The following ANKRD6 variants were observed in gnomAD, a reference collection of about 807,000 sequenced individuals.
ANKRD6 encodes ankyrin repeat domain 6.
Under a neutral mutation model 82.3 loss-of-function variants are expected in ANKRD6, and 56 were observed. The ratio of observed to expected loss-of-function variants is 0.68; its 90% CI spans 0.55 to 0.85. The LOEUF is 0.85. Among genes scored for constraint, ANKRD6 ranks in the 40% least tolerant of loss-of-function variants. The pLI, the probability that ANKRD6 is intolerant of heterozygous loss-of-function variation, is 0.00. For synonymous variants in ANKRD6, 347 were observed against 352.1 expected (o/e 0.99, Z 0.16); for missense variants, 852 against 907.6 (o/e 0.94, Z 0.79).
At chr6:89,605,030 A>T (rs1980878) in intron 4 of ANKRD6, among the ~76,000 whole-genome samples, 1 of 150,114 alleles carries the variant, frequency 6.7e-6, no homozygotes, top group Admixed American at 6.7e-5. Flanking sequence ...AATGATATTT[A>T]TTTGTTTAAA....
At chr6:89,629,833 C>T (rs752557877) in intron 15 of ANKRD6, among the ~76,000 whole-genome samples, 2 of 152,190 alleles carry the variant, frequency 1.3e-5, no homozygotes, top group Non-Finnish European at 2.9e-5. Context: ...CTTTGTGTTA[C>T]CACAGGCCAT....
In ANKRD6 at chr6:89,606,033, A is replaced by C; in HGVS notation, c.345A>C (p.Ala115=). The C allele has an allele frequency of 6.3e-7, 1 of 1,597,568 alleles. No homozygotes were observed. Among genetic ancestry groups the C allele is most frequent in the Non-Finnish European group, 8.5e-7 (1 of 1,171,568 alleles). Residue 115 remains alanine, a synonymous_variant, in exon 5 of 16, where the codon GCA becomes GCC. Transcript: ENST00000339746. ...DKDGNTALHE[A]SWHGFSQSAK... The stretch of plus-strand genomic sequence containing the variant: ...ATGGGAATACAGCCTTGCATGAAGC[A>C]TCCTGGCATGGTTTCAGCCAGTCAG...
At chr6:89,620,746 C>T (rs1162886971) in intron 9 of ANKRD6, among the ~76,000 whole-genome samples, 1 of 152,120 alleles carries the variant, frequency 6.6e-6, no homozygotes, top group African/African-American at 2.4e-5. Flanking sequence ...AACGACTCCC[C>T]GTTTTTCTTT....
At chr6:89,545,212 C>CAAAA (rs754348482) in intron 1 of ANKRD6, among the ~76,000 whole-genome samples, 5 of 86,344 alleles carry the variant, frequency 5.8e-5, no homozygotes, top group East Asian at 3.2e-4. Flanking sequence ...GACTCCATCT[C>CAAAA]AAAAAAAAAA....
intron 1 of ANKRD6, among the ~76,000 whole-genome samples, chr6:89,489,477 G>A (rs945721192): frequency 6.6e-6 from 1 of 152,166 alleles, no homozygotes; most frequent in Non-Finnish European, 1.5e-5. Flanking sequence ...AAGAAGTCCA[G>A]AAAATATTTT....
At chr6:89,552,952 G>A (rs1562795035) in intron 1 of ANKRD6, among the ~76,000 whole-genome samples, 2 of 152,212 alleles carry the variant, frequency 1.3e-5, no homozygotes. Flanking sequence ...TTTGTGGATA[G>A]TGGTGTGGAC....
intron 11 of ANKRD6, 137 bp from the exon 12 acceptor site, chr6:89,623,735 G>C (rs947667538): frequency 2.3e-5 from 28 of 1,243,708 alleles, no homozygotes; most frequent in Non-Finnish European, 3.0e-5. Flanking sequence ...TTTGACATGT[G>C]TGGCTTGGAG....
chr6:89,587,596 A>C (rs1337772671), intron 2 of ANKRD6, among the ~76,000 whole-genome samples: 1 of 152,212 alleles, frequency 6.6e-6, no homozygotes, highest in African/African-American at 2.4e-5. Flanking sequence ...ATTTATGATT[A>C]TTATTATTTT....
chr6:89,454,846 GGTTT>G (rs1198709617), intron 1 of ANKRD6, among the ~76,000 whole-genome samples: 1 of 151,912 alleles, frequency 6.6e-6, no homozygotes, highest in African/African-American at 2.4e-5. Context: ...TGTCTTCTGA[GGTTT>G]GTTTGTTTGA....
At chr6:89,584,857 C>T (rs1413016413) in intron 2 of ANKRD6, among the ~76,000 whole-genome samples, 1 of 152,092 alleles carries the variant, frequency 6.6e-6, no homozygotes, top group Admixed American at 6.5e-5. Context: ...GATTCAGTTC[C>T]TGGTGAGTGC....
chr6:89,593,189 C>T (rs1795232868), intron 2 of ANKRD6, among the ~76,000 whole-genome samples: 1 of 152,238 alleles, frequency 6.6e-6, no homozygotes, highest in South Asian at 2.1e-4. Flanking sequence ...TCCCACCATG[C>T]TGTCACCTCC....
At chr6:89,523,779 G>A (rs1782147926) in intron 1 of ANKRD6, among the ~76,000 whole-genome samples, 1 of 152,020 alleles carries the variant, frequency 6.6e-6, no homozygotes, top group African/African-American at 2.4e-5. Context: ...TACTGTGTTA[G>A]GTGCTAAGCC....
At chr6:89,559,454 C>T (rs1485410227) in intron 1 of ANKRD6, among the ~76,000 whole-genome samples, 2 of 152,174 alleles carry the variant, frequency 1.3e-5, no homozygotes, top group Non-Finnish European at 2.9e-5. Flanking sequence ...ATGCCCATCT[C>T]TTCAATATAT....
At chr6:89,576,779 A>C (rs1791203764) in intron 2 of ANKRD6, among the ~76,000 whole-genome samples, 1 of 151,802 alleles carries the variant, frequency 6.6e-6, no homozygotes, top group Admixed American at 6.6e-5. Context: ...CCTGCCTCTA[A>C]AATTGGCTTT....
intron 1 of ANKRD6, among the ~76,000 whole-genome samples, chr6:89,496,396 C>T (rs1005741321): frequency 8.5e-5 from 13 of 152,268 alleles, no homozygotes; most frequent in African/African-American, 2.6e-4. Flanking sequence ...CTGAAGTCAA[C>T]GTGTAAACAC....
intron 13 of ANKRD6, among the ~76,000 whole-genome samples, chr6:89,625,281 T>C (rs1805241850): frequency 6.7e-6 from 1 of 150,204 alleles, no homozygotes; most frequent in Admixed American, 6.6e-5. Flanking sequence ...AGACTCTGTC[T>C]AGAAAAAAAA....
At chr6:89,603,179 T>C in intron 4 of ANKRD6, 52 bp downstream of exon 4, 1 of 1,534,044 alleles carries the variant, frequency 6.5e-7, no homozygotes, top group Non-Finnish European at 8.9e-7. Context: ...AGCCAGTGGC[T>C]CAGGGGAGCT....
At chr6:89,511,435 C>T (rs912601331) in intron 1 of ANKRD6, among the ~76,000 whole-genome samples, 5 of 152,178 alleles carry the variant, frequency 3.3e-5, no homozygotes, top group African/African-American at 1.2e-4. Context: ...ACTCATCTTG[C>T]ATTATTTAAG....
intron 1 of ANKRD6, among the ~76,000 whole-genome samples, chr6:89,461,342 G>A (rs534113516): frequency 2.0e-5 from 3 of 152,244 alleles, no homozygotes; most frequent in East Asian, 1.9e-4. Flanking sequence ...TTCACATAAA[G>A]GCACATATGA....
Sources: gnomAD v4.1 joint callset for allele counts (sites outside exome capture counted in the v4.1 genomes callset) on GRCh38, gnomAD v4.1.1 for gene constraint, MANE v1.5 for transcripts, NCBI Gene and HGNC (gene_info 2026-07-23, HGNC 2026-07-21) for gene names.